Variants in TCF24 observed in about 807,000 individuals in gnomAD.
The protein encoded by TCF24 is transcription factor 24.
TCF24 carries 5 observed loss-of-function variants against 9.3 expected under a neutral mutation model. The observed-to-expected ratio is 0.54, with a 90% CI of 0.28 to 1.13. The LOEUF is 1.13. Among genes scored for constraint, TCF24 ranks in the 50% most tolerant of loss-of-function variants. The pLI, the probability that TCF24 is intolerant of heterozygous loss-of-function variation, is 0.09. For synonymous variants in TCF24, 110 were observed against 115.8 expected, an observed-to-expected ratio of 0.95 and a Z score of 0.32; for missense variants, 220 against 236.1, an observed-to-expected ratio of 0.93 and a Z score of 0.45.
At chr8:66,950,904 G>A (rs1357142082) in intron 3 of TCF24, among the ~76,000 whole-genome samples, 1 of 151,336 alleles carries the variant, frequency 6.6e-6, no homozygotes, top group Non-Finnish European at 1.5e-5. Context: ...TCTGCTGTTG[G>A]TGTATAAGAA....
intron 3 of TCF24, among the ~76,000 whole-genome samples, chr8:66,950,294 G>A (rs1482773674): frequency 1.3e-5 from 2 of 149,924 alleles, no homozygotes; most frequent in Non-Finnish European, 1.5e-5. Context: ...TAAGGTGTAA[G>A]GAAGGGATCC....
Position 66,947,986 on chromosome 8 carries a change from A to G in TCF24, c.*65T>C, listed in dbSNP as rs1813988492. On this transcript the variant is annotated 3_prime_UTR_variant, in exon 4 of 4. Transcript: ENST00000563496. ...TTGTTATGTCTCATATAATAAATAT[A>G]GAATTATGTCATAGTATTTAAAAAC... 2.6e-6 allele frequency: 3 copies of G among 1,163,818 alleles called. No individual in the cohort carries two copies. Among genetic ancestry groups the G allele is most frequent in the South Asian group, 3.3e-5 (2 of 60,934 alleles). 72.1% of individuals were successfully genotyped at this position (1,163,818 alleles called of 1,614,324 possible). A position where few individuals can be genotyped will look rare whatever the true frequency, so the allele number is the denominator to read the frequency against.
chr8:66,961,728 G>T lies in TCF24; in HGVS notation c.38C>A (p.Ala13Asp), dbSNP rs1814259514. 4 of 1,105,700 alleles carry T rather than the reference G, an allele frequency of 3.6e-6. No homozygotes were observed. The highest frequency in any genetic ancestry group is 4.4e-6 in the Non-Finnish European group (4 of 907,828). 68.5% of individuals were successfully genotyped at this position (1,105,700 alleles called of 1,614,324 possible). Residue 13 changes from alanine to aspartate, a missense_variant, in exon 3 of 4, where the codon GCC (alanine) becomes GAC (aspartate). Transcript: ENST00000563496. ...GGCCAGGGGCGCGGGCTCGGCGCTGGCGCTGAGGGGGCTGCCCGCTGGGCG... is the reference window on the plus strand; with the variant it reads ...GGCCAGGGGCGCGGGCTCGGCGCTGTCGCTGAGGGGGCTGCCCGCTGGGCG... ...RGRPAGSPLS[A>D]SAEPAPLAAA...
At chr8:66,953,400 C>T (rs1814089695) in intron 3 of TCF24, among the ~76,000 whole-genome samples, 2 of 151,926 alleles carry the variant, frequency 1.3e-5, no homozygotes, top group African/African-American at 2.4e-5. Flanking sequence ...AAATTCTTTT[C>T]TTTAAGAATG....
chr8:66,954,250 T>TG (rs542570111), intron 3 of TCF24, among the ~76,000 whole-genome samples: 17,758 of 150,666 alleles, frequency 0.12, 2,072 homozygotes, highest in African/African-American at 0.3. Context: ...TCTTTGATGA[T>TG]GTGATGTACA....
At chr8:66,957,498 C>G (rs1814178675) in intron 3 of TCF24, among the ~76,000 whole-genome samples, 1 of 151,792 alleles carries the variant, frequency 6.6e-6, no homozygotes, top group African/African-American at 2.4e-5. Flanking sequence ...GAGAAGTGGG[C>G]CATCTACAAG....
At chr8:66,948,721 A>C (rs1177701261) in intron 3 of TCF24, among the ~76,000 whole-genome samples, 1 of 146,634 alleles carries the variant, frequency 6.8e-6, no homozygotes, top group African/African-American at 2.5e-5. Context: ...TTTGAGACGG[A>C]GTCTCGCTCT....
intron 3 of TCF24, among the ~76,000 whole-genome samples, chr8:66,953,876 A>T (rs1814100785): frequency 6.6e-6 from 1 of 151,620 alleles, no homozygotes; most frequent in Non-Finnish European, 1.5e-5. Flanking sequence ...CCTTTCTTCC[A>T]GTTGATCGCA....
intron 3 of TCF24, among the ~76,000 whole-genome samples, chr8:66,957,749 T>C (rs1339014869): frequency 2.6e-5 from 4 of 152,004 alleles, no homozygotes; most frequent in African/African-American, 9.7e-5. Flanking sequence ...TTCATAAGCA[T>C]AAAAATCTCA....
intron 3 of TCF24, among the ~76,000 whole-genome samples, chr8:66,954,124 T>C (rs972258181): frequency 5.9e-5 from 9 of 152,248 alleles, no homozygotes; most frequent in African/African-American, 1.9e-4. Context: ...TCCAGCTTTG[T>C]TCCGTTGCTG....
intron 3 of TCF24, among the ~76,000 whole-genome samples, chr8:66,948,689 A>T (rs1276823187): frequency 1.3e-5 from 2 of 150,794 alleles, no homozygotes. Flanking sequence ...CTATCTATCT[A>T]TCTATCTATC....
intron 3 of TCF24, among the ~76,000 whole-genome samples, chr8:66,951,592 A>T (rs1287059205): frequency 6.6e-6 from 1 of 152,190 alleles, no homozygotes; most frequent in African/African-American, 2.4e-5. Context: ...TTGGTATCAG[A>T]ATGATGCTGG....
intron 3 of TCF24, among the ~76,000 whole-genome samples, chr8:66,954,324 C>T (rs1290031151): frequency 6.6e-6 from 1 of 151,882 alleles, no homozygotes; most frequent in Non-Finnish European, 1.5e-5. Flanking sequence ...ACAGGACCCT[C>T]AGCTGCAGGT....
rs1814253428 is a variant in TCF24, at chr8:66,961,521, T to C, written c.245A>G (p.Asp82Gly). The change falls in exon 3 of 4, where the codon GAC becomes GGC. Residue 82 changes from aspartate to glycine, a missense_variant. By Grantham distance (94) the Asp-to-Gly change is moderately conservative. Transcript: ENST00000563496. ...LQRTLPSVPP[D>G]TKLSKLDVLL... ...CACGTCCAGCTTGGACAGCTTGGTGTCGGGCGGCACGGACGGCAGCGTGCG... is the reference window on the plus strand; with the variant it reads ...CACGTCCAGCTTGGACAGCTTGGTGCCGGGCGGCACGGACGGCAGCGTGCG... The C allele has an allele frequency of 2.6e-6, 4 of 1,516,542 alleles. No individual in the cohort carries two copies. The highest frequency in any genetic ancestry group is 3.5e-6 in the Non-Finnish European group (4 of 1,139,228). 93.9% of individuals were successfully genotyped at this position (1,516,542 alleles called of 1,614,324 possible). A position where few individuals can be genotyped will look rare whatever the true frequency, so the allele number is the denominator to read the frequency against.
intron 3 of TCF24, among the ~76,000 whole-genome samples, chr8:66,958,661 A>AAAC (rs1043917182): frequency 3.9e-5 from 6 of 152,190 alleles, no homozygotes; most frequent in African/African-American, 1.2e-4. Context: ...ACTCCATCTC[A>AAAC]AACAACAACA....
At chr8:66,961,067 C>T (rs1814243489) in intron 3 of TCF24, among the ~76,000 whole-genome samples, 1 of 152,204 alleles carries the variant, frequency 6.6e-6, no homozygotes, top group Non-Finnish European at 1.5e-5. Flanking sequence ...GGATGTGCAA[C>T]CAAGCCCCCA....
At chr8:66,953,464 C>T (rs1459764626) in intron 3 of TCF24, among the ~76,000 whole-genome samples, 75 of 152,176 alleles carry the variant, frequency 4.9e-4, no homozygotes, top group African/African-American at 1.6e-3. Context: ...CCGAGAGATC[C>T]GCTGTTAGTC....
Position 66,948,140 on chromosome 8 carries a change from A to T in TCF24, c.415T>A (p.Tyr139Asn). The T allele has an allele frequency of 6.5e-7, 1 of 1,533,810 alleles. No individual in the cohort carries two copies. The highest frequency in any genetic ancestry group is 8.7e-7 in the Non-Finnish European group (1 of 1,146,384). Residue 139 changes from tyrosine to asparagine, a missense_variant, in exon 4 of 4, where the codon TAC becomes AAC. Physicochemically the swap from Tyr to Asn is moderately radical, Grantham distance 143. Transcript: ENST00000563496. ...VKKWPMRSRL[Y>N]IGATGQFLKH... ...AGAAACTGACCAGTAGCACCGATGT[A>T]CAATCTTGATCGCATGGGCCATTTC...
In TCF24 at chr8:66,958,902, G is replaced by C. The variant is rs188958742; in HGVS notation, c.390+2474C>G. On this transcript the variant is annotated intron_variant, in intron 3 of 3. Transcript: ENST00000563496. ...GAAATAAATTGCTCATACCCCACAG[G>C]GATTAAAAACTGCCATTTCAGGCTA... Among the ~76,000 whole-genome samples, 9 of 152,172 alleles carry C rather than the reference G, an allele frequency of 5.9e-5. No individual in the cohort carries two copies. In the East Asian group the frequency reaches 1.7e-3, roughly 29 times the overall value.
Sources: gnomAD v4.1 joint callset for allele counts (sites outside exome capture counted in the v4.1 genomes callset) on GRCh38, gnomAD v4.1.1 for gene constraint, MANE v1.5 for transcripts, NCBI Gene and HGNC (gene_info 2026-07-23, HGNC 2026-07-21) for gene names.